The following CATSPERE variants were observed in gnomAD, a reference collection of about 807,000 sequenced individuals.
CATSPERE encodes the protein cation channel sperm-associated auxiliary subunit epsilon.
A neutral mutation model predicts 114.1 loss-of-function variants in CATSPERE; 93 were observed. The observed-to-expected ratio is 0.81, with a 90% CI of 0.69 to 0.97. CATSPERE has a LOEUF of 0.97. Among genes scored for constraint, CATSPERE ranks in the 50% least tolerant of loss-of-function variants. CATSPERE has a pLI of 0.00. For missense variants in CATSPERE, 1,058 were observed against 1,131.6 expected (o/e 0.93, Z 0.93); for synonymous variants, 341 against 384.1 (o/e 0.89, Z 1.31).
At chr1:244,546,744 A>G (rs1312595241) in intron 8 of CATSPERE, among the ~76,000 whole-genome samples, 1 of 152,238 alleles carries the variant, frequency 6.6e-6, no homozygotes, top group African/African-American at 2.4e-5. Context: ...GGAGAAGAAA[A>G]TATCTGTGAA....
chr1:244,560,882 T>A lies in CATSPERE; in HGVS notation c.1244T>A (p.Val415Asp), dbSNP rs748250875. ...VFLNYCTVCN[V>D]TKKIFLVIYN... ...TTAAATTATTGCACTGTATGTAACGTCACCAAAAAGATTTTCTTAGTGATA... is the reference window on the plus strand; with the variant it reads ...TTAAATTATTGCACTGTATGTAACGACACCAAAAAGATTTTCTTAGTGATA... Residue 415 changes from valine to aspartate, a missense_variant, in exon 10 of 22, where the codon GTC (valine) becomes GAC (aspartate). By Grantham distance (152) the Val-to-Asp change is radical. Coordinates refer to ENST00000366534, the MANE Select transcript of CATSPERE (RefSeq NM_001130957.2). 1.2e-5 allele frequency: 19 copies of A among 1,614,008 alleles called. No homozygotes were observed. The highest frequency in any genetic ancestry group is 1.6e-5 in the Non-Finnish European group (19 of 1,180,008).
Position 244,526,512 on chromosome 1 carries a change from GA to G in CATSPERE, c.536+7822del, listed in dbSNP as rs1166721008. Among the ~76,000 whole-genome samples, 5 of 151,900 alleles carry G rather than the reference GA, an allele frequency of 3.3e-5. No homozygotes were observed. In the South Asian group the frequency reaches 8.3e-4, roughly 25 times the overall value. The stretch of plus-strand genomic sequence containing the variant: ...CCAATTCTAGCTACAAGAGAGACTA[GA>G]AAAAAAATATCTGGCTTTTCCAGCC... On this transcript the variant is annotated intron_variant, in intron 8 of 21. Transcript: ENST00000366534.
At chr1:244,524,578 C>T (rs2148389710) in intron 8 of CATSPERE, among the ~76,000 whole-genome samples, 1 of 152,034 alleles carries the variant, frequency 6.6e-6, no homozygotes, top group East Asian at 1.9e-4. Context: ...AAAATTTTCA[C>T]AACCTACTCA....
chr1:244,595,598 AG>A (rs542513691), intron 17 of CATSPERE, among the ~76,000 whole-genome samples: 8 of 152,334 alleles, frequency 5.3e-5, no homozygotes, highest in African/African-American at 1.9e-4. Context: ...ACACCACGGA[AG>A]GCCTTCTATC....
chr1:244,489,450 A>ATTTTTTTTTTTT lies in CATSPERE; in HGVS notation c.327-977_327-966dup, dbSNP rs10524749. On this transcript the variant is annotated intron_variant, in intron 5 of 21. Coordinates refer to ENST00000366534, the MANE Select transcript of CATSPERE (RefSeq NM_001130957.2). ...CTTGCAGTATTAAGGAAGCATGCAG[A>ATTTTTTTTTTTT]TTTTTTTTTTTTTTTTTTTTTTTTT... is the stretch of plus-strand genomic sequence containing the variant. Among the ~76,000 whole-genome samples the ATTTTTTTTTTTT allele has an allele frequency of 5.5e-4, 47 of 85,566 alleles. 3 individuals carry two copies. The highest frequency in any genetic ancestry group is 2.0e-3 in the African/African-American group (44 of 22,124). The allele number at this position is 85,566 out of a possible 152,430, so 56.1% of individuals were successfully genotyped here. A position where few individuals can be genotyped will look rare whatever the true frequency, so the allele number is the denominator to read the frequency against.
intron 2 of CATSPERE, among the ~76,000 whole-genome samples, chr1:244,475,557 A>T (rs1267821489): frequency 2.1e-5 from 2 of 93,614 alleles, no homozygotes; most frequent in African/African-American, 4.2e-5. Context: ...TTTTTTTTTG[A>T]GACGGAGTCT....
At chr1:244,462,853 C>A (rs564639916) in intron 1 of CATSPERE, among the ~76,000 whole-genome samples, 37 of 152,132 alleles carry the variant, frequency 2.4e-4, no homozygotes, top group Admixed American at 2.1e-3. Context: ...CCTCTACATA[C>A]AGAAAAAAGG....
At chr1:244,494,351 G>A (rs1240933529) in intron 6 of CATSPERE, among the ~76,000 whole-genome samples, 13 of 149,120 alleles carry the variant, frequency 8.7e-5, no homozygotes, top group African/African-American at 3.2e-4. Context: ...CTATCACAAG[G>A]ACAAGAAACC....
At chr1:244,526,592 A>G (rs3003266) in intron 8 of CATSPERE, among the ~76,000 whole-genome samples, 19,391 of 151,514 alleles carry the variant, frequency 0.13, 2,165 homozygotes, top group African/African-American at 0.3. Context: ...GGTGCTCACC[A>G]GTTTCTACCA....
At chr1:244,512,234 T>G (rs968692846) in intron 7 of CATSPERE, among the ~76,000 whole-genome samples, 5 of 152,230 alleles carry the variant, frequency 3.3e-5, no homozygotes, top group Non-Finnish European at 7.3e-5. Context: ...TCATGCTTTC[T>G]TATTCTTTTT....
At chr1:244,525,937 G>A (rs12064599) in intron 8 of CATSPERE, among the ~76,000 whole-genome samples, 5,600 of 152,218 alleles carry the variant, frequency 0.037, 347 homozygotes, top group African/African-American at 0.13. Context: ...GGTTAAGGCC[G>A]TAGGCTTTTT....
chr1:244,566,161 T>C (rs550749348), intron 10 of CATSPERE, among the ~76,000 whole-genome samples: 1 of 152,356 alleles, frequency 6.6e-6, no homozygotes, highest in African/African-American at 2.4e-5. Flanking sequence ...GAGTTCTAAT[T>C]TGATTGCACT....
chr1:244,619,037 C>T (rs2148711122), intron 20 of CATSPERE, among the ~76,000 whole-genome samples: 1 of 152,182 alleles, frequency 6.6e-6, no homozygotes, highest in East Asian at 1.9e-4. Flanking sequence ...GGTGGTTTTT[C>T]TGTGGGTGAG....
intron 21 of CATSPERE, among the ~76,000 whole-genome samples, chr1:244,638,716 G>A (rs1674959394): frequency 6.6e-6 from 1 of 152,100 alleles, no homozygotes; most frequent in Non-Finnish European, 1.5e-5. Context: ...TGATCCGTCA[G>A]GGCAATTACA....
chr1:244,599,562 A>G (rs544884986), intron 17 of CATSPERE, among the ~76,000 whole-genome samples: 87 of 152,288 alleles, frequency 5.7e-4, no homozygotes, highest in African/African-American at 2.1e-3. Context: ...CTCTGCTTCC[A>G]CTCTTGCCTC....
intron 20 of CATSPERE, among the ~76,000 whole-genome samples, chr1:244,623,258 A>G (rs1217284565): frequency 6.6e-6 from 1 of 151,848 alleles, no homozygotes; most frequent in Non-Finnish European, 1.5e-5. Flanking sequence ...TTGTATTTTT[A>G]GTATAGATGG....
In CATSPERE at chr1:244,601,822, TG is replaced by T. The variant is rs549512409; in HGVS notation, c.2304-3870del. 3.1e-4 allele frequency among the ~76,000 whole-genome samples: 47 copies of T among 152,052 alleles called. 1 individual carries two copies. The South Asian group carries it at 3.7e-3, about 12-fold the overall frequency. ...ATAGAAATTAGCCGGGCGTGGGTGGTGGGCGCCTGTAATCCCAGCTACTTGG... is the reference window on the plus strand; with the variant it reads ...ATAGAAATTAGCCGGGCGTGGGTGGTGGCGCCTGTAATCCCAGCTACTTGG... On this transcript the variant is annotated intron_variant, in intron 17 of 21. Coordinates refer to ENST00000366534, the MANE Select transcript of CATSPERE (RefSeq NM_001130957.2).
intron 8 of CATSPERE, among the ~76,000 whole-genome samples, chr1:244,536,735 T>C (rs547834609): frequency 6.3e-4 from 96 of 152,202 alleles, no homozygotes; most frequent in Non-Finnish European, 1.2e-3. Flanking sequence ...GATTACTCAC[T>C]TGATTTTTGG....
intron 11 of CATSPERE, among the ~76,000 whole-genome samples, chr1:244,578,797 A>G (rs1222761680): frequency 8.0e-6 from 1 of 125,004 alleles, no homozygotes; most frequent in Non-Finnish European, 1.6e-5. Context: ...ATATATGTAT[A>G]CAGGTTATAT....
Sources: allele counts gnomAD v4.1 joint callset (sites outside exome capture counted in the v4.1 genomes callset), GRCh38; gene constraint gnomAD v4.1.1; transcripts MANE v1.5; gene names NCBI Gene and HGNC (gene_info 2026-07-23, HGNC 2026-07-21).